The following TTC38 variants were observed in gnomAD, a reference collection of about 807,000 sequenced individuals.
TTC38 encodes the protein tetratricopeptide repeat domain 38, also known as tetratricopeptide repeat protein 38.
A neutral mutation model predicts 64.2 loss-of-function variants in TTC38; 64 were observed. The observed-to-expected ratio is 1.00, with a 90% CI of 0.81 to 1.23. The LOEUF is 1.23. Among genes scored for constraint, TTC38 ranks in the 50% most tolerant of loss-of-function variants. The probability of loss-of-function intolerance (pLI) is 0.00; values close to 1 mark genes in which losing one functional copy is unlikely to be tolerated. For missense variants in TTC38, 573 were observed against 615.5 expected (o/e 0.93, Z 0.73); for synonymous variants, 254 against 249.3 (o/e 1.02, Z -0.18).
At chr22:46,280,336 G>A (rs2077525152) in intron 6 of TTC38, 1 of 388,076 alleles carries the variant, frequency 2.6e-6, no homozygotes, top group Non-Finnish European at 5.2e-6. Flanking sequence ...AGCCAGGGCT[G>A]TAGAGGGGCA....
intron 8 of TTC38, among the ~76,000 whole-genome samples, chr22:46,284,312 C>T (rs1332453901): frequency 6.6e-6 from 1 of 152,194 alleles, no homozygotes. Flanking sequence ...GTGTACCTGC[C>T]TGGGCCATGA....
At position 46,275,302 on chromosome 22, in the gene TTC38, A is replaced by C. The variant is rs777923225; in HGVS notation, c.420A>C (p.Thr140=). 68 of 1,614,166 alleles carry C rather than the reference A, an allele frequency of 4.2e-5. No homozygotes were observed. Among genetic ancestry groups the C allele is most frequent in the Non-Finnish European group, 5.7e-5 (67 of 1,180,018 alleles). The part of the protein sequence containing the change: ...LWEQILQDHP[T]DMLALKFSHD... ...AACAGATTCTCCAGGACCACCCGACAGACATGTTGGCCCTGAAATTTTCCC... is the reference window on the plus strand; with the variant it reads ...AACAGATTCTCCAGGACCACCCGACCGACATGTTGGCCCTGAAATTTTCCC... The change falls in exon 5 of 14, where the codon ACA becomes ACC. Residue 140 remains threonine, a synonymous_variant. Transcript: ENST00000381031. This position sits in a 1 kb window ranked among gnomAD's most constrained non-coding sequence, Gnocchi z 4.5.
chr22:46,292,983 T>G lies in TTC38; in HGVS notation c.*99T>G, dbSNP rs1046950312. 3.4e-6 allele frequency: 3 copies of G among 894,180 alleles called. No individual in the cohort carries two copies. The African/African-American group carries it at 4.9e-5, about 15-fold the overall frequency. The allele number at this position is 894,180 out of a possible 1,614,324, so 55.4% of individuals were successfully genotyped here. The stretch of plus-strand genomic sequence containing the variant: ...TTAGGGTCAGGAGACGGCCAGAGCC[T>G]GTTTGTTAGGGCTGTTAGAGGGTGA... On this transcript the variant is annotated 3_prime_UTR_variant, in exon 14 of 14. Transcript: ENST00000381031. This position sits in a 1 kb window ranked among gnomAD's most constrained non-coding sequence, Gnocchi z 6.5.
chr22:46,276,583 G>A lies in TTC38; in HGVS notation c.539+1162G>A, dbSNP rs886571299. On this transcript the variant is annotated intron_variant, in intron 5 of 13. Transcript: ENST00000381031. The surrounding 1 kb of genome is among the most constrained non-coding windows in gnomAD (Gnocchi z 4.7). ...CATGGTGGCATGTGCCTGTAGTTCC[G>A]GCTACTCAGGAGGCTGTGGCGGGAG... Among the ~76,000 whole-genome samples, 5 of 151,208 alleles carry A rather than the reference G, an allele frequency of 3.3e-5. No homozygotes were observed. The highest frequency in any genetic ancestry group is 6.6e-5 in the Admixed American group (1 of 15,138).
At chr22:46,277,067 A>T (rs1020682310) in intron 5 of TTC38, among the ~76,000 whole-genome samples, 1 of 151,272 alleles carries the variant, frequency 6.6e-6, no homozygotes, top group Non-Finnish European at 1.5e-5. Flanking sequence ...ACACACACAC[A>T]CACACACACA....
Position 46,292,893 on chromosome 22 carries a change from G to T in TTC38, c.*9G>T, listed in dbSNP as rs761928247. The T allele has an allele frequency of 3.4e-5, 54 of 1,609,086 alleles. No homozygotes were observed. The highest frequency in any genetic ancestry group is 4.4e-5 in the Non-Finnish European group (52 of 1,176,080). On this transcript the variant is annotated 3_prime_UTR_variant, in exon 14 of 14. Transcript: ENST00000381031. The surrounding 1 kb of genome is among the most constrained non-coding windows in gnomAD (Gnocchi z 6.5). ...TCCACCTCATGCAGTGAGCCAGCCT[G>T]GCCGCCTCCACCCTGCAGAACCTCA...
chr22:46,273,823 G>C lies in TTC38; in HGVS notation c.194-75G>C. 6.6e-7 allele frequency: 1 copy of C among 1,510,208 alleles called. No individual in the cohort carries two copies. The highest frequency in any genetic ancestry group is 9.1e-7 in the Non-Finnish European group (1 of 1,098,232). The allele number at this position is 1,510,208 out of a possible 1,614,324, so 93.6% of individuals were successfully genotyped here. A position where few individuals can be genotyped will look rare whatever the true frequency, so the allele number is the denominator to read the frequency against. ...CTCCTGGGACGTGGGGTGTCTCTGT[G>C]ACATGTGGAGTCTGGGCTGGGATGG... is the stretch of plus-strand genomic sequence containing the variant. On this transcript the variant is annotated intron_variant, in intron 3 of 13. Coordinates refer to ENST00000381031, the MANE Select transcript of TTC38 (RefSeq NM_017931.4). The surrounding 1 kb of genome is among the most constrained non-coding windows in gnomAD (Gnocchi z 5.1).
In TTC38 at chr22:46,291,553, C is replaced by CA. The variant is rs1234120864; in HGVS notation, c.1317-1237dup. Among the ~76,000 whole-genome samples the CA allele has an allele frequency of 6.6e-6, 1 of 152,204 alleles. No homozygotes were observed. Among genetic ancestry groups the CA allele is most frequent in the Non-Finnish European group, 1.5e-5 (1 of 68,038 alleles). On this transcript the variant is annotated intron_variant, in intron 13 of 13. Coordinates refer to ENST00000381031, the MANE Select transcript of TTC38 (RefSeq NM_017931.4). The surrounding 1 kb of genome is among the most constrained non-coding windows in gnomAD (Gnocchi z 4.6). ...TTCCACCCACAGCCATGGTGCCCCC[C>CA]ACAATGAGTTCCCGGCCCCAGCCCC...
chr22:46,269,279 G>A, intron 2 of TTC38: 1 of 274,456 alleles, frequency 3.6e-6, no homozygotes. Flanking sequence ...ATCCTGTCCT[G>A]GGATGAATCT....
intron 5 of TTC38, among the ~76,000 whole-genome samples, chr22:46,278,094 G>C (rs1339544092): frequency 4.6e-5 from 7 of 152,244 alleles, no homozygotes; most frequent in Admixed American, 4.6e-4. Flanking sequence ...GCTTGGCGTG[G>C]GGTTGGAGGT....
chr22:46,293,563 T>A lies in TTC38; in HGVS notation c.*679T>A, dbSNP rs2147805556. On this transcript the variant is annotated 3_prime_UTR_variant, in exon 14 of 14. Coordinates refer to ENST00000381031, the MANE Select transcript of TTC38 (RefSeq NM_017931.4). The surrounding 1 kb of genome is among the most constrained non-coding windows in gnomAD (Gnocchi z 6.6). The stretch of plus-strand genomic sequence containing the variant: ...CCTGGGGGGCTCTGTTGGTGCTGAT[T>A]TGGACCCGTTTCTCTTTTTAAACTG... 1 of 152,366 alleles carries A rather than the reference T, an allele frequency of 6.6e-6. No homozygotes were observed. Among genetic ancestry groups the A allele is most frequent in the East Asian group, 1.9e-4 (1 of 5,172 alleles). 9.4% of individuals were successfully genotyped at this position (152,366 alleles called of 1,614,324 possible).
At position 46,271,672 on chromosome 22, in the gene TTC38, G is replaced by C. The variant is rs1936899890; in HGVS notation, c.112-663G>C. Among the ~76,000 whole-genome samples the C allele has an allele frequency of 6.8e-6, 1 of 148,144 alleles. No homozygotes were observed. Among genetic ancestry groups the C allele is most frequent in the South Asian group, 2.1e-4 (1 of 4,828 alleles). Reference sequence around the variant, plus strand: ...ACTACAGACATGTGCCACCACGCCTGACTAATTTTTGTATTATTTGTAGAG... The same window carrying C: ...ACTACAGACATGTGCCACCACGCCTCACTAATTTTTGTATTATTTGTAGAG... On this transcript the variant is annotated intron_variant, in intron 2 of 13. Coordinates refer to ENST00000381031, the MANE Select transcript of TTC38 (RefSeq NM_017931.4). The surrounding 1 kb of genome is among the most constrained non-coding windows in gnomAD (Gnocchi z 5.5).
chr22:46,292,805 A>C lies in TTC38; in HGVS notation c.1331A>C (p.Glu444Ala). 1 of 1,613,908 alleles carries C rather than the reference A, an allele frequency of 6.2e-7. No individual in the cohort carries two copies. Among genetic ancestry groups the C allele is most frequent in the Non-Finnish European group, 8.5e-7 (1 of 1,179,838 alleles). The change falls in exon 14 of 14, where the codon GAG (glutamate) becomes GCG (alanine). Residue 444 changes from glutamate (E) to alanine (A), a missense_variant. By Grantham distance (107) the Glu-to-Ala change is moderately radical. Coordinates refer to ENST00000381031, the MANE Select transcript of TTC38 (RefSeq NM_017931.4). This position sits in a 1 kb window ranked among gnomAD's most constrained non-coding sequence, Gnocchi z 6.5. The part of the protein sequence containing the change: ...HKNVARSLLM[E>A]RDALKPNSPL... ...TGTTTCCACAGGAGCCTTCTGATGG[A>C]GCGTGATGCCTTGAAGCCCAACTCG... is the stretch of plus-strand genomic sequence containing the variant.
Position 46,273,783 on chromosome 22 carries a change from C to T in TTC38, c.194-115C>T, listed in dbSNP as rs1478251381. On this transcript the variant is annotated intron_variant, in intron 3 of 13. Transcript: ENST00000381031. The surrounding 1 kb of genome is among the most constrained non-coding windows in gnomAD (Gnocchi z 5.1). ...CAGGGCCACAGTGCCCAGCCTGCTGCTGCCTGGCTGGCCCCTCCTGGGACG... is the reference window on the plus strand; with the variant it reads ...CAGGGCCACAGTGCCCAGCCTGCTGTTGCCTGGCTGGCCCCTCCTGGGACG... 9 of 1,006,024 alleles carry T rather than the reference C, an allele frequency of 8.9e-6. No individual in the cohort carries two copies. In the Admixed American group the frequency reaches 2.1e-4, roughly 23 times the overall value. 62.3% of individuals were successfully genotyped at this position (1,006,024 alleles called of 1,614,324 possible).
At chr22:46,289,802 T>A (rs1233603024) in intron 12 of TTC38, 24 bp from the exon 13 acceptor site, 6 of 1,613,584 alleles carry the variant, frequency 3.7e-6, no homozygotes, top group Non-Finnish European at 5.1e-6. Context: ...TACAGGAGAC[T>A]CACATGCCCG....
chr22:46,288,425 G>C lies in TTC38; in HGVS notation c.919G>C (p.Val307Leu). 6.2e-7 allele frequency: 1 copy of C among 1,613,396 alleles called. No individual in the cohort carries two copies. Among genetic ancestry groups the C allele is most frequent in the Non-Finnish European group, 8.5e-7 (1 of 1,179,580 alleles). The change falls in exon 11 of 14, where the codon GTG (valine) becomes CTG (leucine). Residue 307 changes from valine to leucine, a missense_variant and splice_region_variant. Physicochemically the swap from Val to Leu is conservative, Grantham distance 32. This residue lies in a region of TTC38 where 371 missense variants were observed against 381.8 expected (regional missense o/e 0.97). Coordinates refer to ENST00000381031, the MANE Select transcript of TTC38 (RefSeq NM_017931.4). ...SMLYRLQMEG[V>L]SVGQRWQDVL... ...GGGTCTCCTCCCCATGTCCTCAGGA[G>C]TGTCTGTGGGCCAGCGGTGGCAGGA... is the stretch of plus-strand genomic sequence containing the variant.
At chr22:46,288,169 CTTTG>C (rs2077584728) in intron 10 of TTC38, among the ~76,000 whole-genome samples, 2 of 152,172 alleles carry the variant, frequency 1.3e-5, no homozygotes, top group Non-Finnish European at 2.9e-5. Flanking sequence ...CGGCCAGAGG[CTTTG>C]TTTAATAACC....
rs1395212014 is a variant in TTC38, at chr22:46,271,203, C to T, written c.112-1132C>T. Among the ~76,000 whole-genome samples, 1 of 152,146 alleles carries T rather than the reference C, an allele frequency of 6.6e-6. No homozygotes were observed. The highest frequency in any genetic ancestry group is 2.4e-5 in the African/African-American group (1 of 41,422). Reference sequence around the variant, plus strand: ...GAAGAAGCCGATGTGGAGCAGGTCACCTGTCAGGAGGAACCTGCCTTTTCT... The same window carrying T: ...GAAGAAGCCGATGTGGAGCAGGTCATCTGTCAGGAGGAACCTGCCTTTTCT... On this transcript the variant is annotated intron_variant, in intron 2 of 13. Transcript: ENST00000381031. The surrounding 1 kb of genome is among the most constrained non-coding windows in gnomAD (Gnocchi z 5.5).
rs573169403 is a variant in TTC38, at chr22:46,281,989, G to T, written c.735+271G>T. 101 of 601,834 alleles carry T rather than the reference G, an allele frequency of 1.7e-4. No homozygotes were observed. The African/African-American group carries it at 1.7e-3, about 10-fold the overall frequency. The allele number at this position is 601,834 out of a possible 1,614,324, so 37.3% of individuals were successfully genotyped here. On this transcript the variant is annotated intron_variant, in intron 7 of 13. Coordinates refer to ENST00000381031, the MANE Select transcript of TTC38 (RefSeq NM_017931.4). This position sits in a 1 kb window ranked among gnomAD's most constrained non-coding sequence, Gnocchi z 5.2. Reference sequence around the variant, plus strand: ...CTTACAGGGCCTGGTCAGGAGGAGCGAGCAGCCTCTTCAAAGCACATGAGC... The same window carrying T: ...CTTACAGGGCCTGGTCAGGAGGAGCTAGCAGCCTCTTCAAAGCACATGAGC...
Sources: allele counts gnomAD v4.1 joint callset (sites outside exome capture counted in the v4.1 genomes callset), GRCh38; gene constraint gnomAD v4.1.1; regional missense constraint gnomAD v4.1.1; non-coding constraint Gnocchi (gnomAD v3.1); transcripts MANE v1.5; gene names NCBI Gene and HGNC (gene_info 2026-07-23, HGNC 2026-07-21).